Variants in CPNE8 observed in about 807,000 individuals in gnomAD.
CPNE8 encodes the protein copine-8.
CPNE8 carries 45 observed loss-of-function variants against 81.5 expected under a neutral mutation model. That is an observed-to-expected ratio of 0.55 (90% CI 0.44 to 0.71). The LOEUF (loss-of-function observed/expected upper bound fraction) is 0.71. Ranked by LOEUF, CPNE8 falls within the 30% of genes least tolerant of loss-of-function variation. CPNE8 has a pLI of 0.00. For synonymous variants in CPNE8, 252 were observed against 226.3 expected, an observed-to-expected ratio of 1.11 and a Z score of -1.02; for missense variants, 594 against 672.1, an observed-to-expected ratio of 0.88 and a Z score of 1.28.
chr12:38,809,934 G>T (rs1211109444), intron 6 of CPNE8, among the ~76,000 whole-genome samples: 1 of 152,140 alleles, frequency 6.6e-6, no homozygotes, highest in Non-Finnish European at 1.5e-5. Flanking sequence ...GAAATAAAAG[G>T]TAAAATGGAG....
chr12:38,709,691 T>G (rs2136706302), intron 13 of CPNE8, among the ~76,000 whole-genome samples: 1 of 152,270 alleles, frequency 6.6e-6, no homozygotes, highest in South Asian at 2.1e-4. Flanking sequence ...GTATAATGCT[T>G]ATCAAATTTC....
At chr12:38,845,788 C>T (rs1416232933) in intron 4 of CPNE8, among the ~76,000 whole-genome samples, 2 of 152,068 alleles carry the variant, frequency 1.3e-5, no homozygotes, top group Non-Finnish European at 2.9e-5. Flanking sequence ...ATAGCAAAGA[C>T]ACTACATGAA....
At chr12:38,698,920 C>T (rs1460171984) in intron 14 of CPNE8, among the ~76,000 whole-genome samples, 1 of 152,114 alleles carries the variant, frequency 6.6e-6, no homozygotes, top group Non-Finnish European at 1.5e-5. Context: ...GAATTTCCTC[C>T]AAAAAGTCCT....
At chr12:38,828,487 T>G (rs1943235079) in intron 6 of CPNE8, among the ~76,000 whole-genome samples, 1 of 152,146 alleles carries the variant, frequency 6.6e-6, no homozygotes, top group South Asian at 2.1e-4. Context: ...TGCATAGCAA[T>G]GAACACACTA....
chr12:38,902,338 AAGAAAG>A, intron 1 of CPNE8, among the ~76,000 whole-genome samples: 1 of 83,686 alleles, frequency 1.2e-5, no homozygotes, highest in Non-Finnish European at 2.2e-5. Flanking sequence ...GAAAGAAAGA[AAGAAAG>A]AAAGAAAGAA....
At chr12:38,720,520 A>C (rs911926429) in intron 13 of CPNE8, 3 of 152,222 alleles carry the variant, frequency 2.0e-5, no homozygotes, top group Non-Finnish European at 2.9e-5. Flanking sequence ...AAAAAACAAG[A>C]CAAAAACTGA....
At chr12:38,784,126 A>G (rs1942117552) in intron 6 of CPNE8, among the ~76,000 whole-genome samples, 2 of 152,330 alleles carry the variant, frequency 1.3e-5, no homozygotes, top group South Asian at 4.1e-4. Context: ...ATGACACAGA[A>G]AGTAATTCAG....
intron 3 of CPNE8, among the ~76,000 whole-genome samples, chr12:38,864,308 C>T (rs1943885222): frequency 6.6e-6 from 1 of 152,116 alleles, no homozygotes; most frequent in South Asian, 2.1e-4. Context: ...GTCCCATCAT[C>T]ATCCATTTAT....
chr12:38,711,173 A>G (rs112632240), intron 13 of CPNE8, among the ~76,000 whole-genome samples: 2,229 of 152,306 alleles, frequency 0.015, 32 homozygotes, highest in South Asian at 0.042. Flanking sequence ...TATTAATAAT[A>G]GTTTTGCAAA....
intron 6 of CPNE8, among the ~76,000 whole-genome samples, chr12:38,781,354 G>T (rs567519668): frequency 1.5e-4 from 23 of 151,868 alleles, no homozygotes; most frequent in African/African-American, 5.5e-4. Flanking sequence ...TGCAAATATT[G>T]TATGTAATTA....
intron 6 of CPNE8, among the ~76,000 whole-genome samples, chr12:38,784,507 A>G (rs1751125088): frequency 1.3e-5 from 2 of 152,146 alleles, no homozygotes; most frequent in Admixed American, 6.5e-5. Flanking sequence ...AGATACCAAT[A>G]CCCAAGGATA....
At chr12:38,773,921 T>C (rs1344427553) in intron 7 of CPNE8, among the ~76,000 whole-genome samples, 3 of 151,990 alleles carry the variant, frequency 2.0e-5, no homozygotes, top group African/African-American at 7.2e-5. Context: ...ATAGAAAACA[T>C]AAGATGAAGT....
intron 6 of CPNE8, among the ~76,000 whole-genome samples, chr12:38,777,716 T>C (rs1256413348): frequency 6.6e-6 from 1 of 152,172 alleles, no homozygotes; most frequent in Non-Finnish European, 1.5e-5. Flanking sequence ...GCTGTACACA[T>C]TTGTAGCCTA....
chr12:38,692,061 G>A (rs892770981), intron 15 of CPNE8, among the ~76,000 whole-genome samples: 4 of 152,122 alleles, frequency 2.6e-5, no homozygotes, highest in African/African-American at 7.2e-5. Flanking sequence ...GGAGGCTGAG[G>A]CAGGCGAATT....
In CPNE8 at chr12:38,871,256, A is replaced by G. The variant is rs1003291249; in HGVS notation, c.186+1748T>C. 3.9e-5 allele frequency among the ~76,000 whole-genome samples: 6 copies of G among 152,322 alleles called. No homozygotes were observed. In the East Asian group the frequency reaches 5.8e-4, roughly 15 times the overall value. On this transcript the variant is annotated intron_variant, in intron 3 of 19. Coordinates refer to ENST00000331366, the MANE Select transcript of CPNE8 (RefSeq NM_153634.3). ...TCCTTCTTCAAACTCCCTTTATCCA[A>G]TAAAGTTTCCAGTTGCCTCATTATT...
At chr12:38,755,077 A>G (rs1941429960) in intron 10 of CPNE8, among the ~76,000 whole-genome samples, 1 of 152,240 alleles carries the variant, frequency 6.6e-6, no homozygotes, top group African/African-American at 2.4e-5. Context: ...GATAATGCAT[A>G]ATCCCAGAAT....
At chr12:38,887,528 G>C (rs925587896) in intron 1 of CPNE8, among the ~76,000 whole-genome samples, 1 of 151,872 alleles carries the variant, frequency 6.6e-6, no homozygotes, top group Non-Finnish European at 1.5e-5. Context: ...AACATAATTT[G>C]ATTTTTTTTT....
intron 12 of CPNE8, among the ~76,000 whole-genome samples, chr12:38,724,580 C>A (rs1940649715): frequency 6.6e-6 from 1 of 152,112 alleles, no homozygotes; most frequent in South Asian, 2.1e-4. Context: ...ATGAAGAGTT[C>A]ATAACAAAAC....
intron 6 of CPNE8, among the ~76,000 whole-genome samples, chr12:38,816,598 A>C (rs1204270255): frequency 6.6e-6 from 1 of 152,240 alleles, no homozygotes; most frequent in Non-Finnish European, 1.5e-5. Flanking sequence ...AAATAGTATG[A>C]AAGAAAGGGG....
Sources: gnomAD v4.1 joint callset for allele counts (sites outside exome capture counted in the v4.1 genomes callset) on GRCh38, gnomAD v4.1.1 for gene constraint, MANE v1.5 for transcripts, NCBI Gene and HGNC (gene_info 2026-07-23, HGNC 2026-07-21) for gene names.